The following STK3 variants were observed in gnomAD, a reference collection of about 807,000 sequenced individuals.
STK3 encodes serine/threonine-protein kinase 3.
In STK3, 41 loss-of-function variants were observed where a neutral mutation model predicts 58.0. That is an observed-to-expected ratio of 0.71 (90% CI 0.55 to 0.92). The LOEUF (loss-of-function observed/expected upper bound fraction) is 0.92. Among genes scored for constraint, STK3 ranks in the 40% least tolerant of loss-of-function variants. The pLI, the probability that STK3 is intolerant of heterozygous loss-of-function variation, is 0.00. For missense variants in STK3, 479 were observed against 602.7 expected (o/e 0.79, Z 2.15); for synonymous variants, 170 against 191.0 (o/e 0.89, Z 0.91).
At chr8:98,349,326 T>A in the STK3 span, among the ~76,000 whole-genome samples, 1 of 152,224 alleles carries the variant, frequency 6.6e-6, no homozygotes, top group Non-Finnish European at 1.5e-5. Context: ...TATATCCAGG[T>A]AATGCCGATG....
At chr8:98,930,375 A>C (rs1839963120) in intron 1 of STK3, among the ~76,000 whole-genome samples, 1 of 152,238 alleles carries the variant, frequency 6.6e-6, no homozygotes, top group Non-Finnish European at 1.5e-5. Flanking sequence ...ATGTGTAATT[A>C]TAAAGTATGT....
intron 1 of STK3, among the ~76,000 whole-genome samples, chr8:98,900,783 T>C (rs1434685598): frequency 6.6e-6 from 1 of 151,878 alleles, no homozygotes; most frequent in Non-Finnish European, 1.5e-5. Flanking sequence ...TGCCTCAGCC[T>C]CCCAAGTAGC....
chr8:98,936,521 T>A (rs1840203008), intron 1 of STK3, among the ~76,000 whole-genome samples: 1 of 152,350 alleles, frequency 6.6e-6, no homozygotes, highest in Admixed American at 6.5e-5. Context: ...TATTGCTCCC[T>A]TGCTCTGCAA....
chr8:98,706,731 C>T (rs1825994476), intron 5 of STK3, 97 bp from the exon 6 acceptor site: 4 of 1,271,936 alleles, frequency 3.1e-6, no homozygotes, highest in African/African-American at 1.5e-5. Context: ...ACCTCCAATG[C>T]CACAGATTAT....
At chr8:98,500,958 A>T (rs752063531) in intron 10 of STK3, among the ~76,000 whole-genome samples, 1 of 152,170 alleles carries the variant, frequency 6.6e-6, no homozygotes. Flanking sequence ...TGGTATTTCT[A>T]GTTCTAGATC....
At chr8:98,482,913 T>C (rs117375562) in intron 10 of STK3, among the ~76,000 whole-genome samples, 2,108 of 152,300 alleles carry the variant, frequency 0.014, 22 homozygotes, top group Non-Finnish European at 0.021. Flanking sequence ...ACAAATAGTC[T>C]AATATTTTAT....
chr8:98,905,361 A>ACTGGACCATACTT (rs1244983791), intron 1 of STK3: 2 of 1,025,292 alleles, frequency 2.0e-6, no homozygotes, highest in Non-Finnish European at 3.1e-6. Context: ...ACATTCAATG[A>ACTGGACCATACTT]CTGGACCATA....
chr8:98,344,689 C>T, the STK3 span, among the ~76,000 whole-genome samples: 4 of 151,646 alleles, frequency 2.6e-5, no homozygotes, highest in African/African-American at 7.3e-5. Context: ...GTCAGGAGAT[C>T]GAGACCATCC....
chr8:98,588,771 A>G lies in STK3; in HGVS notation c.822+7261T>C, dbSNP rs961406965. Among the ~76,000 whole-genome samples, 404 of 151,818 alleles carry G rather than the reference A, an allele frequency of 2.7e-3. 2 individuals are homozygous for G. The highest frequency in any genetic ancestry group is 9.4e-3 in the African/African-American group (387 of 41,350). On this transcript the variant is annotated intron_variant, in intron 7 of 10. Transcript: ENST00000419617. ...AGATTTGGTCTTTTCACATAGTCCC[A>G]TATTTCTTGGAGGCTTTGCTCATTT...
intron 3 of STK3, among the ~76,000 whole-genome samples, chr8:98,749,646 C>T (rs1321087183): frequency 1.3e-5 from 2 of 151,962 alleles, no homozygotes; most frequent in Admixed American, 6.6e-5. Context: ...GAAAATAAGA[C>T]TTCATTTTGG....
At chr8:98,796,790 G>A (rs939796533) in intron 1 of STK3, among the ~76,000 whole-genome samples, 3 of 151,974 alleles carry the variant, frequency 2.0e-5, no homozygotes, top group Non-Finnish European at 2.9e-5. Context: ...TTTAAAAATC[G>A]GCAAAAGACA....
intron 1 of STK3, among the ~76,000 whole-genome samples, chr8:98,383,240 G>A (rs1289948749): frequency 6.6e-6 from 1 of 152,138 alleles, no homozygotes; most frequent in Non-Finnish European, 1.5e-5. Context: ...CTACAGATAG[G>A]GAGGCAAGCT....
chr8:98,773,822 G>A (rs1224540298), intron 2 of STK3, among the ~76,000 whole-genome samples: 1 of 151,214 alleles, frequency 6.6e-6, no homozygotes. Context: ...TTGAGACGGA[G>A]CTTCGCTTGT....
intron 3 of STK3, among the ~76,000 whole-genome samples, chr8:98,872,343 T>A (rs1837407849): frequency 1.3e-5 from 2 of 152,208 alleles, no homozygotes. Context: ...GGTATCAGGA[T>A]GATGTTGGCC....
chr8:98,668,060 TTTAA>T (rs1158381001), intron 6 of STK3, among the ~76,000 whole-genome samples: 5 of 152,126 alleles, frequency 3.3e-5, no homozygotes, highest in Non-Finnish European at 2.9e-5. Flanking sequence ...TGTTAAAAGC[TTTAA>T]TTAAGAAATG....
At chr8:98,848,904 T>C (rs181794501) in intron 3 of STK3, among the ~76,000 whole-genome samples, 1 of 152,302 alleles carries the variant, frequency 6.6e-6, no homozygotes, top group East Asian at 1.9e-4. Flanking sequence ...CATGTTTAAC[T>C]GCTTGATGAA....
intron 10 of STK3, among the ~76,000 whole-genome samples, chr8:98,495,658 T>A (rs112518536): frequency 6.6e-6 from 1 of 152,192 alleles, no homozygotes; most frequent in Non-Finnish European, 1.5e-5. Flanking sequence ...CACCAGTTAG[T>A]TTTTAAAGTT....
intron 4 of STK3, among the ~76,000 whole-genome samples, chr8:98,747,604 C>A (rs1391816206): frequency 6.6e-6 from 1 of 152,072 alleles, no homozygotes; most frequent in Non-Finnish European, 1.5e-5. Context: ...TTAACCTTAA[C>A]AATAATGGTA....
At chr8:98,359,279 G>A in the STK3 span, among the ~76,000 whole-genome samples, 2 of 150,206 alleles carry the variant, frequency 1.3e-5, no homozygotes, top group Non-Finnish European at 3.0e-5. Flanking sequence ...AGGCCGAGGC[G>A]GGCGGATCAC....
Sources: allele counts gnomAD v4.1 joint callset (sites outside exome capture counted in the v4.1 genomes callset), GRCh38; gene constraint gnomAD v4.1.1; transcripts MANE v1.5; gene names NCBI Gene and HGNC (gene_info 2026-07-23, HGNC 2026-07-21).